Variants in ABRAXAS1 observed in about 807,000 individuals in gnomAD.
The protein encoded by ABRAXAS1 is BRCA1-A complex subunit Abraxas 1.
In ABRAXAS1, 26 loss-of-function variants were observed where a neutral mutation model predicts 38.4. The observed-to-expected ratio is 0.68, with a 90% CI of 0.50 to 0.94. ABRAXAS1 has a LOEUF of 0.94. ABRAXAS1 is among the 40% of genes least tolerant of loss of function. The probability of loss-of-function intolerance (pLI) is 0.00; values close to 1 mark genes in which losing one functional copy is unlikely to be tolerated. For synonymous variants in ABRAXAS1, 144 were observed against 165.5 expected (o/e 0.87, Z 1.00); for missense variants, 438 against 481.9 (o/e 0.91, Z 0.85).
In ABRAXAS1 at chr4:83,461,040, A is replaced by G; in HGVS notation, c.*1429T>C. 6.2e-7 allele frequency: 1 copy of G among 1,612,740 alleles called. No homozygotes were observed. Among genetic ancestry groups the G allele is most frequent in the African/African-American group, 1.3e-5 (1 of 74,906 alleles). ...AGAGAGCTCAAATAATGGGTAAGAAAGAATACCTCAACAACTGAATTGAGC... is the reference window on the plus strand; with the variant it reads ...AGAGAGCTCAAATAATGGGTAAGAAGGAATACCTCAACAACTGAATTGAGC... On this transcript the variant is annotated 3_prime_UTR_variant, in exon 9 of 9. Coordinates refer to ENST00000321945, the MANE Select transcript of ABRAXAS1 (RefSeq NM_139076.3).
chr4:83,480,168 A>G (rs1021060355), intron 2 of ABRAXAS1: 6 of 232,790 alleles, frequency 2.6e-5, no homozygotes, highest in Admixed American at 2.3e-4. Context: ...CAGGAGTTCG[A>G]GACCAGCCTG....
intron 1 of ABRAXAS1, among the ~76,000 whole-genome samples, chr4:83,482,592 G>T (rs1723036922): frequency 6.6e-6 from 1 of 152,116 alleles, no homozygotes; most frequent in Admixed American, 6.5e-5. Context: ...CATGCCTGTA[G>T]TCCCAGCTAC....
At position 83,462,305 on chromosome 4, in the gene ABRAXAS1, T is replaced by G. The variant is rs756149492; in HGVS notation, c.*164A>C. 4 of 612,338 alleles carry G rather than the reference T, an allele frequency of 6.5e-6. No homozygotes were observed. The highest frequency in any genetic ancestry group is 1.1e-5 in the Non-Finnish European group (4 of 358,222). The allele number at this position is 612,338 out of a possible 1,614,324, so 37.9% of individuals were successfully genotyped here. On this transcript the variant is annotated 3_prime_UTR_variant, in exon 9 of 9. Coordinates refer to ENST00000321945, the MANE Select transcript of ABRAXAS1 (RefSeq NM_139076.3). ...GCATCTGATGTTTGAAAAAGTACTTTGTGAAGTAAATGCACTAAGAGTTAT... is the reference window on the plus strand; with the variant it reads ...GCATCTGATGTTTGAAAAAGTACTTGGTGAAGTAAATGCACTAAGAGTTAT...
At chr4:83,466,539 GT>G (rs201346324) in intron 7 of ABRAXAS1, among the ~76,000 whole-genome samples, 37 of 145,378 alleles carry the variant, frequency 2.5e-4, no homozygotes, top group Admixed American at 4.1e-4. Flanking sequence ...ATTTCCACTA[GT>G]TTTTTTTTTT....
At position 83,459,816 on chromosome 4, in the gene ABRAXAS1, T is replaced by C. The variant is rs1367626293; in HGVS notation, c.*2653A>G. ...ATTACAGGTATGTTCTTTTTTATTA[T>C]GGGAATATAAATGTAGATACGAATT... On this transcript the variant is annotated 3_prime_UTR_variant, in exon 9 of 9. Coordinates refer to ENST00000321945, the MANE Select transcript of ABRAXAS1 (RefSeq NM_139076.3). 1 of 1,553,400 alleles carries C rather than the reference T, an allele frequency of 6.4e-7. No homozygotes were observed. Among genetic ancestry groups the C allele is most frequent in the African/African-American group, 1.4e-5 (1 of 73,556 alleles).
Position 83,462,259 on chromosome 4 carries a change from A to C in ABRAXAS1, c.*210T>G, listed in dbSNP as rs2110032503. ...CCCTCAACAACTTAGTGAAAGGTGAAAAAAAGGTTTGGAAATAAAAGCATC... is the reference window on the plus strand; with the variant it reads ...CCCTCAACAACTTAGTGAAAGGTGACAAAAAGGTTTGGAAATAAAAGCATC... On this transcript the variant is annotated 3_prime_UTR_variant, in exon 9 of 9. Transcript: ENST00000321945. The C allele has an allele frequency of 9.5e-6, 5 of 525,774 alleles. No homozygotes were observed. In the South Asian group the frequency reaches 1.3e-4, roughly 13 times the overall value. The allele number at this position is 525,774 out of a possible 1,614,324, so 32.6% of individuals were successfully genotyped here.
At chr4:83,477,789 A>G in intron 2 of ABRAXAS1, 2 of 752,256 alleles carry the variant, frequency 2.7e-6, no homozygotes, top group Non-Finnish European at 4.8e-6. Flanking sequence ...TTGCAAAGAC[A>G]AGCATCATAT....
chr4:83,464,650 C>T (rs559782072), intron 7 of ABRAXAS1, among the ~76,000 whole-genome samples: 2 of 152,288 alleles, frequency 1.3e-5, no homozygotes, highest in East Asian at 1.9e-4. Flanking sequence ...CCAGTTACCC[C>T]TGTACCCACC....
At chr4:83,478,757 G>C (rs992984994) in intron 2 of ABRAXAS1, 17 of 170,416 alleles carry the variant, frequency 1.0e-4, no homozygotes, top group East Asian at 3.4e-4. Context: ...ACTTGGGCTA[G>C]AGCAGAAGGC....
chr4:83,469,156 C>T lies in ABRAXAS1; in HGVS notation c.477-5G>A, dbSNP rs1032986635. 6.2e-7 allele frequency: 1 copy of T among 1,611,946 alleles called. No homozygotes were observed. The highest frequency in any genetic ancestry group is 1.3e-5 in the African/African-American group (1 of 74,814). On this transcript the variant is annotated splice_polypyrimidine_tract_variant and splice_region_variant and intron_variant, in intron 5 of 8. Transcript: ENST00000321945. ...AAAGGTACCCTGTGAAAAAGTCTGA[C>T]AAAATAAAACTTTAGAGTATAAACT...
At chr4:83,481,356 T>TC (rs1174591390) in intron 2 of ABRAXAS1, among the ~76,000 whole-genome samples, 1 of 152,160 alleles carries the variant, frequency 6.6e-6, no homozygotes, top group Non-Finnish European at 1.5e-5. Context: ...TTAAAGGTTC[T>TC]CCCCTGCTTT....
chr4:83,463,432 CAAAAAT>C lies in ABRAXAS1; in HGVS notation c.796+56_796+61del. ...TAGGCGACAGAGCGAGACTCCGTCT[CAAAAAT>C]AAATAAATAAATAAAAATTTTTAGC... On this transcript the variant is annotated intron_variant, in intron 8 of 8. Coordinates refer to ENST00000321945, the MANE Select transcript of ABRAXAS1 (RefSeq NM_139076.3). 3 of 1,270,502 alleles carry C rather than the reference CAAAAAT, an allele frequency of 2.4e-6. No individual in the cohort carries two copies. In the South Asian group the frequency reaches 4.0e-5, roughly 17 times the overall value. 78.7% of individuals were successfully genotyped at this position (1,270,502 alleles called of 1,614,324 possible).
In ABRAXAS1 at chr4:83,482,156, A is replaced by T. The variant is rs772825230; in HGVS notation, c.176T>A (p.Ile59Asn). Reference protein sequence around the residue: ...QMDDVEVVYTIDIQKYIPCYQ... With the variant: ...QMDDVEVVYTNDIQKYIPCYQ... ...TATAGGAGAAATAAATAACTCACCA[A>T]TTGTATAAACAACTTCAACATCATC... The change falls in exon 2 of 9, where the codon ATT becomes AAT. Residue 59 changes from isoleucine (I) to asparagine (N), a missense_variant and splice_region_variant. Physicochemically the swap from Ile to Asn is moderately radical, Grantham distance 149. Around this residue, in one of 3 missense-constraint regions of ABRAXAS1, gnomAD observed 194 missense variants for 269.0 expected, o/e 0.72. Transcript: ENST00000321945. The T allele has an allele frequency of 8.8e-6, 14 of 1,592,452 alleles. No individual in the cohort carries two copies. The highest frequency in any genetic ancestry group is 1.2e-5 in the Non-Finnish European group (14 of 1,164,714).
rs763122511 is a variant in ABRAXAS1, at chr4:83,485,078, C to G, written c.-6G>C. 1.1e-5 allele frequency: 17 copies of G among 1,584,968 alleles called. No individual in the cohort carries two copies. The highest frequency in any genetic ancestry group is 1.4e-5 in the African/African-American group (1 of 71,782). ...GACGTACTCTCCCCCTCCATGCTAC[C>G]GCCGCCTCAGGCTACACAAGAGGAC... On this transcript the variant is annotated 5_prime_UTR_variant, in exon 1 of 9. Transcript: ENST00000321945.
In ABRAXAS1 at chr4:83,462,587, T is replaced by G. The variant is rs745512435; in HGVS notation, c.1112A>C (p.Lys371Thr). The change falls in exon 9 of 9, where the codon AAA becomes ACA. Residue 371 changes from lysine (K) to threonine (T), a missense_variant. Physicochemically the swap from Lys to Thr is moderately conservative, Grantham distance 78. Coordinates refer to ENST00000321945, the MANE Select transcript of ABRAXAS1 (RefSeq NM_139076.3). ...TTGGTTACTACTACCAGTATCTGCT[T>G]TAGATCGTTTGTCTTGTGTATCTAA... is the stretch of plus-strand genomic sequence containing the variant. The part of the protein sequence containing the change: ...RLLDTQDKRS[K>T]ADTGSSNQDK... 4.3e-6 allele frequency: 7 copies of G among 1,614,178 alleles called. No individual in the cohort carries two copies. Among genetic ancestry groups the G allele is most frequent in the Non-Finnish European group, 5.9e-6 (7 of 1,180,016 alleles).
intron 4 of ABRAXAS1, 69 bp downstream of exon 4, chr4:83,472,153 C>A: frequency 1.1e-6 from 1 of 929,286 alleles, no homozygotes; most frequent in Non-Finnish European, 1.6e-6. Context: ...TGTCAAAGTA[C>A]TGTGTGTTTT....
chr4:83,470,472 A>C, intron 4 of ABRAXAS1, 76 bp from the exon 5 acceptor site: 1 of 1,045,434 alleles, frequency 9.6e-7, no homozygotes, highest in East Asian at 2.8e-5. Context: ...TAAATAAAAT[A>C]AACAACCTTA....
intron 4 of ABRAXAS1, among the ~76,000 whole-genome samples, chr4:83,471,816 G>T (rs1722600515): frequency 6.6e-6 from 1 of 151,976 alleles, no homozygotes; most frequent in African/African-American, 2.4e-5. Context: ...GATGTAGTCA[G>T]CCTAGATCAC....
chr4:83,462,198 T>C lies in ABRAXAS1; in HGVS notation c.*271A>G, dbSNP rs1358777497. 2.6e-6 allele frequency: 1 copy of C among 382,504 alleles called. No homozygotes were observed. Among genetic ancestry groups the C allele is most frequent in the African/African-American group, 2.1e-5 (1 of 48,348 alleles). 23.7% of individuals were successfully genotyped at this position (382,504 alleles called of 1,614,324 possible). On this transcript the variant is annotated 3_prime_UTR_variant, in exon 9 of 9. Transcript: ENST00000321945. ...GTGAGCCACTGTGCCTGGTCTCACT[T>C]TTCCAATTCTAAAGAATGTGTCTGT... is the stretch of plus-strand genomic sequence containing the variant.
Sources: gnomAD v4.1 joint callset for allele counts (sites outside exome capture counted in the v4.1 genomes callset) on GRCh38, gnomAD v4.1.1 for gene constraint, gnomAD v4.1.1 regional missense constraint, MANE v1.5 for transcripts, NCBI Gene and HGNC (gene_info 2026-07-23, HGNC 2026-07-21) for gene names.